Variants in CASC3 observed in about 807,000 individuals in gnomAD.
CASC3 encodes CASC3 exon junction complex subunit.
A neutral mutation model predicts 80.5 loss-of-function variants in CASC3; 30 were observed. The ratio of observed to expected loss-of-function variants is 0.37; its 90% confidence interval spans 0.28 to 0.51. The LOEUF (loss-of-function observed/expected upper bound fraction) is 0.51. Among genes scored for constraint, CASC3 ranks in the 20% least tolerant of loss-of-function variants. The pLI is 0.94. For missense variants in CASC3, 824 were observed against 922.2 expected (o/e 0.89, Z 1.38); for synonymous variants, 312 against 333.6 (o/e 0.94, Z 0.70).
chr17:40,151,779 G>C (rs1767652804), intron 3 of CASC3, among the ~76,000 whole-genome samples: 1 of 150,876 alleles, frequency 6.6e-6, no homozygotes, highest in African/African-American at 2.4e-5. Flanking sequence ...TCTACTTTCT[G>C]TCTCTGTTGA....
chr17:40,164,376 G>T (rs1989390908), intron 7 of CASC3, among the ~76,000 whole-genome samples: 2 of 151,954 alleles, frequency 1.3e-5, no homozygotes, highest in African/African-American at 4.8e-5. Context: ...TGATTCTCCT[G>T]CCTCAGCCTC....
chr17:40,163,005 G>A (rs1264891053), intron 6 of CASC3, 104 bp downstream of exon 6: 1 of 947,458 alleles, frequency 1.1e-6, no homozygotes, highest in Non-Finnish European at 1.6e-6. Flanking sequence ...AGGATTGCTT[G>A]AGGCCAGGAG....
Position 40,168,072 on chromosome 17 carries a change from G to A in CASC3, c.1750+124G>A, listed in dbSNP as rs527560968. The stretch of plus-strand genomic sequence containing the variant: ...GGAGTCTGGCCATCCTGGCTGCTTG[G>A]GCAACAAGTTCCTCTTGTGTCCATC... On this transcript the variant is annotated intron_variant, in intron 10 of 13. Transcript: ENST00000264645. 69 of 1,288,230 alleles carry A rather than the reference G, an allele frequency of 5.4e-5. 1 individual carries two copies. In the South Asian group the frequency reaches 7.9e-4, roughly 15 times the overall value. 79.8% of individuals were successfully genotyped at this position (1,288,230 alleles called of 1,614,324 possible). A position where few individuals can be genotyped will look rare whatever the true frequency, so the allele number is the denominator to read the frequency against.
chr17:40,169,981 C>A (rs1024359268), intron 13 of CASC3, among the ~76,000 whole-genome samples: 1 of 151,968 alleles, frequency 6.6e-6, no homozygotes, highest in Non-Finnish European at 1.5e-5. Context: ...GTCTTGAACT[C>A]CTGACCTCAG....
intron 6 of CASC3, among the ~76,000 whole-genome samples, chr17:40,163,238 G>C (rs1315867879): frequency 1.3e-5 from 2 of 152,090 alleles, no homozygotes; most frequent in East Asian, 3.9e-4. Flanking sequence ...GGGTTGAAGT[G>C]ATTCTCCTGC....
Position 40,162,817 on chromosome 17 carries a change from A to G in CASC3, c.701A>G (p.Gln234Arg), listed in dbSNP as rs1295686203. Residue 234 changes from glutamine (Q) to arginine (R), a missense_variant, in exon 6 of 14, where the codon CAG becomes CGG. By Grantham distance (43) the Gln-to-Arg change is conservative. Around this residue, in one of 3 missense-constraint regions of CASC3, gnomAD observed 201 missense variants for 294.1 expected, o/e 0.68. Coordinates refer to ENST00000264645, the MANE Select transcript of CASC3 (RefSeq NM_007359.5). ...REDEQAPKSRQELIALYGYDI... is the reference protein window; with the variant it reads ...REDEQAPKSRRELIALYGYDI... ...GATGAGCAGGCCCCAAAGTCCCGAC[A>G]GGAGCTCATTGCTCTTTATGGTTAT... The G allele has an allele frequency of 5.0e-6, 8 of 1,614,212 alleles. No individual in the cohort carries two copies. The highest frequency in any genetic ancestry group is 4.5e-5 in the East Asian group (2 of 44,892).
At chr17:40,155,580 G>A (rs1438588782) in intron 3 of CASC3, among the ~76,000 whole-genome samples, 3 of 152,182 alleles carry the variant, frequency 2.0e-5, no homozygotes, top group African/African-American at 7.2e-5. Context: ...CGACAGGCCC[G>A]TGGCCTCGGA....
Position 40,141,189 on chromosome 17 carries a change from T to A in CASC3, c.232-18T>A, listed in dbSNP as rs761156137. ...CTGGAAATCACAGAACTAACCCATG[T>A]CTTCTGCTTTCTTTCAGGAGAGTGA... On this transcript the variant is annotated intron_variant, in intron 1 of 13. Transcript: ENST00000264645. 4.3e-6 allele frequency: 7 copies of A among 1,612,766 alleles called. No individual in the cohort carries two copies. The South Asian group carries it at 7.7e-5, about 18-fold the overall frequency.
chr17:40,141,293 A>C lies in CASC3; in HGVS notation c.259+59A>C, dbSNP rs549313761. On this transcript the variant is annotated intron_variant, in intron 2 of 13. Coordinates refer to ENST00000264645, the MANE Select transcript of CASC3 (RefSeq NM_007359.5). ...GTTTTTTTTAACATAAACTCAGGTC[A>C]TCTATTTCCAACATCGACATTCTCA... The C allele has an allele frequency of 4.7e-6, 7 of 1,478,162 alleles. No homozygotes were observed. The South Asian group carries it at 6.8e-5, about 14-fold the overall frequency. 91.6% of individuals were successfully genotyped at this position (1,478,162 alleles called of 1,614,324 possible). A position where few individuals can be genotyped will look rare whatever the true frequency, so the allele number is the denominator to read the frequency against.
At position 40,171,342 on chromosome 17, in the gene CASC3, G is replaced by T; in HGVS notation, c.*937G>T. 2 of 986,002 alleles carry T rather than the reference G, an allele frequency of 2.0e-6. No individual in the cohort carries two copies. Among genetic ancestry groups the T allele is most frequent in the Non-Finnish European group, 2.4e-6 (2 of 829,998 alleles). The allele number at this position is 986,002 out of a possible 1,614,324, so 61.1% of individuals were successfully genotyped here. A position where few individuals can be genotyped will look rare whatever the true frequency, so the allele number is the denominator to read the frequency against. The stretch of plus-strand genomic sequence containing the variant: ...AGTCCTCAGGGCTCAGTCTTTTGAG[G>T]TAAGTGGAATTAGAGGGCCTTGCTT... On this transcript the variant is annotated 3_prime_UTR_variant, in exon 14 of 14. Transcript: ENST00000264645.
At position 40,171,117 on chromosome 17, in the gene CASC3, C is replaced by CA. The variant is rs1989583326; in HGVS notation, c.*713dup. The CA allele has an allele frequency of 2.0e-6, 2 of 985,764 alleles. No homozygotes were observed. The highest frequency in any genetic ancestry group is 3.5e-5 in the African/African-American group (2 of 57,234). The allele number at this position is 985,764 out of a possible 1,614,324, so 61.1% of individuals were successfully genotyped here. A position where few individuals can be genotyped will look rare whatever the true frequency, so the allele number is the denominator to read the frequency against. ...GAGGGTCCCATTGTGCAGAAAAGCT[C>CA]AGAGTAGGTGGGTAGGAGCCCTTCT... On this transcript the variant is annotated 3_prime_UTR_variant, in exon 14 of 14. Coordinates refer to ENST00000264645, the MANE Select transcript of CASC3 (RefSeq NM_007359.5).
At chr17:40,150,434 G>C (rs1988974423) in intron 3 of CASC3, among the ~76,000 whole-genome samples, 1 of 151,982 alleles carries the variant, frequency 6.6e-6, no homozygotes, top group South Asian at 2.1e-4. Context: ...GTGTGTGTGT[G>C]TGTGTGTGTG....
At chr17:40,143,953 T>C (rs1180708513) in intron 3 of CASC3, among the ~76,000 whole-genome samples, 1 of 151,804 alleles carries the variant, frequency 6.6e-6, no homozygotes, top group Non-Finnish European at 1.5e-5. Flanking sequence ...TGTATATCTA[T>C]ATAAAAATAT....
At chr17:40,147,168 AG>A (rs1490654533) in intron 3 of CASC3, among the ~76,000 whole-genome samples, 1 of 152,198 alleles carries the variant, frequency 6.6e-6, no homozygotes. Flanking sequence ...TGAGGCACAA[AG>A]GAAGACTAGA....
chr17:40,166,877 G>A lies in CASC3; in HGVS notation c.1536+16G>A, dbSNP rs1598431447. On this transcript the variant is annotated intron_variant, in intron 8 of 13. Coordinates refer to ENST00000264645, the MANE Select transcript of CASC3 (RefSeq NM_007359.5). ...GGAAGAAATGGTACAGAAGGGGAAA[G>A]GGGTAGATGGGGGAGGGAGCTGCCT... The A allele has an allele frequency of 6.3e-7, 1 of 1,585,454 alleles. No homozygotes were observed. The highest frequency in any genetic ancestry group is 1.4e-5 in the African/African-American group (1 of 73,980).
Position 40,164,128 on chromosome 17 carries a change from C to G in CASC3, c.1433C>G (p.Pro478Arg), listed in dbSNP as rs140375987. The G allele has an allele frequency of 3.4e-5, 55 of 1,610,854 alleles. No homozygotes were observed. In the East Asian group the frequency reaches 6.0e-4, roughly 18 times the overall value. Residue 478 changes from proline (P) to arginine (R), a missense_variant, in exon 7 of 14, where the codon CCG becomes CGG. Physicochemically the swap from Pro to Arg is moderately radical, Grantham distance 103. Transcript: ENST00000264645. ...AATATAGCAGAACAGAATTGGAGTC[C>G]GGGGCAGCCTTCTTTCCTGCAACCA... ...QLNIAEQNWSPGQPSFLQPRE... is the reference protein window; with the variant it reads ...QLNIAEQNWSRGQPSFLQPRE...
At position 40,141,684 on chromosome 17, in the gene CASC3, C is replaced by T. The variant is rs7212098; in HGVS notation, c.297+77C>T. The T allele has an allele frequency of 4.0e-4, 418 of 1,035,880 alleles. 2 individuals are homozygous for T. The African/African-American group carries it at 5.9e-3, about 15-fold the overall frequency. The allele number at this position is 1,035,880 out of a possible 1,614,324, so 64.2% of individuals were successfully genotyped here. A position where few individuals can be genotyped will look rare whatever the true frequency, so the allele number is the denominator to read the frequency against. ...AACGTGTACACACCTTCGTTGCAAA[C>T]GTACCATGACCTCCGTGTTTATCCT... On this transcript the variant is annotated intron_variant, in intron 3 of 13. Transcript: ENST00000264645.
At chr17:40,169,963 C>T (rs1989555609) in intron 13 of CASC3, among the ~76,000 whole-genome samples, 1 of 151,872 alleles carries the variant, frequency 6.6e-6, no homozygotes, top group South Asian at 2.1e-4. Context: ...ACCATATTGG[C>T]CAGGCTGGTC....
chr17:40,142,480 A>G (rs1331100362), intron 3 of CASC3, among the ~76,000 whole-genome samples: 3 of 152,206 alleles, frequency 2.0e-5, no homozygotes, highest in Non-Finnish European at 4.4e-5. Flanking sequence ...CAGTCAAGAA[A>G]GCCCACAGGG....
Sources: allele counts gnomAD v4.1 joint callset (sites outside exome capture counted in the v4.1 genomes callset), GRCh38; gene constraint gnomAD v4.1.1; regional missense constraint gnomAD v4.1.1; transcripts MANE v1.5; gene names NCBI Gene and HGNC (gene_info 2026-07-23, HGNC 2026-07-21).